Variants in CADM2 observed in about 807,000 individuals in gnomAD.
CADM2 encodes the protein cell adhesion molecule 2.
In CADM2, 12 loss-of-function variants were observed where a neutral mutation model predicts 49.8. The observed-to-expected ratio is 0.24, with a 90% CI of 0.15 to 0.39. The LOEUF (loss-of-function observed/expected upper bound fraction) is 0.39, where lower values mean the gene tolerates loss of function less well. Among genes scored for constraint, CADM2 ranks in the 10% least tolerant of loss-of-function variants. CADM2 has a pLI of 1.00. For synonymous variants in CADM2, 214 were observed against 175.4 expected (o/e 1.22, Z -1.74); for missense variants, 378 against 492.3 (o/e 0.77, Z 2.20).
chr3:85,230,488 G>T, intron 1 of CADM2, among the ~76,000 whole-genome samples: 1 of 152,262 alleles, frequency 6.6e-6, no homozygotes, highest in Non-Finnish European at 1.5e-5. Context: ...ATTTTACTTA[G>T]TATTCACCTT....
chr3:85,977,100 GT>G (rs905777413), intron 8 of CADM2, among the ~76,000 whole-genome samples: 5 of 150,756 alleles, frequency 3.3e-5, no homozygotes, highest in Admixed American at 1.3e-4. Flanking sequence ...GCGGGGCAAG[GT>G]TGGGGGGACT....
At position 85,619,156 on chromosome 3, in the gene CADM2, G is replaced by C. The variant is rs1041725385; in HGVS notation, c.62-107366G>C. ...ACAGGGTATTAAAATTTTGGACACT[G>C]TAACTGTGGACTCTTTCTCAGACAC... On this transcript the variant is annotated intron_variant, in intron 1 of 9. Coordinates refer to ENST00000383699, the MANE Select transcript of CADM2 (RefSeq NM_001167675.2). Among the ~76,000 whole-genome samples, 8 of 152,202 alleles carry C rather than the reference G, an allele frequency of 5.3e-5. No individual in the cohort carries two copies. The East Asian group carries it at 1.5e-3, about 29-fold the overall frequency.
At chr3:85,053,808 G>A (rs1164639672) in intron 1 of CADM2, among the ~76,000 whole-genome samples, 1 of 151,866 alleles carries the variant, frequency 6.6e-6, no homozygotes, top group African/African-American at 2.4e-5. Context: ...GTATAAATAT[G>A]TCTTTACCAT....
rs140575046 is a variant in CADM2, at chr3:85,942,037, A to G, written c.791+6180A>G. Among the ~76,000 whole-genome samples the G allele has an allele frequency of 1.4e-3, 213 of 152,260 alleles. 1 individual carries two copies. Among genetic ancestry groups the G allele is most frequent in the Non-Finnish European group, 1.0e-3 (70 of 68,020 alleles). ...ATCTTTCCCAGTAACACAGCTGATAAATGGTAGAATTGGGATTACAAACAA... is the reference window on the plus strand; with the variant it reads ...ATCTTTCCCAGTAACACAGCTGATAGATGGTAGAATTGGGATTACAAACAA... On this transcript the variant is annotated intron_variant, in intron 7 of 9. Coordinates refer to ENST00000383699, the MANE Select transcript of CADM2 (RefSeq NM_001167675.2).
intron 1 of CADM2, among the ~76,000 whole-genome samples, chr3:85,195,484 T>C (rs888998442): frequency 6.6e-6 from 1 of 151,602 alleles, no homozygotes; most frequent in African/African-American, 2.4e-5. Flanking sequence ...TCTGAGACAG[T>C]TATTTCATAA....
chr3:85,588,441 A>AC (rs1431099805), intron 1 of CADM2, among the ~76,000 whole-genome samples: 3 of 152,074 alleles, frequency 2.0e-5, no homozygotes, highest in African/African-American at 4.8e-5. Context: ...GCAAGCAAGC[A>AC]GCAATAAGAG....
At chr3:85,557,353 GAAAAT>G (rs1052424283) in intron 1 of CADM2, among the ~76,000 whole-genome samples, 20 of 151,730 alleles carry the variant, frequency 1.3e-4, no homozygotes, top group African/African-American at 4.6e-4. Flanking sequence ...AAGTAAGAAT[GAAAAT>G]AAAATAAACA....
intron 1 of CADM2, among the ~76,000 whole-genome samples, chr3:85,690,906 ATTTC>A (rs1241200341): frequency 6.6e-6 from 1 of 152,158 alleles, no homozygotes; most frequent in African/African-American, 2.4e-5. Context: ...TATATTTATC[ATTTC>A]TTTGTGATGA....
At chr3:85,450,303 T>A (rs953587118) in intron 1 of CADM2, among the ~76,000 whole-genome samples, 4 of 152,232 alleles carry the variant, frequency 2.6e-5, no homozygotes, top group African/African-American at 9.6e-5. Flanking sequence ...TATCAGCATA[T>A]CTACTTGCTG....
intron 1 of CADM2, among the ~76,000 whole-genome samples, chr3:85,335,798 C>T (rs1232440513): frequency 6.6e-6 from 1 of 151,472 alleles, no homozygotes; most frequent in African/African-American, 2.4e-5. Flanking sequence ...ATTTACCCAA[C>T]TATCTGGTAC....
chr3:85,126,735 T>C (rs544691914), intron 1 of CADM2, among the ~76,000 whole-genome samples: 168 of 152,230 alleles, frequency 1.1e-3, no homozygotes, highest in Non-Finnish European at 7.1e-4. Flanking sequence ...GTTTGCATCA[T>C]TTCTAAAAAA....
chr3:85,747,086 A>C (rs183985850), intron 2 of CADM2, among the ~76,000 whole-genome samples: 165 of 152,236 alleles, frequency 1.1e-3, no homozygotes, highest in Middle Eastern at 3.4e-3. Context: ...ATAATATTTC[A>C]AAAATATTAA....
chr3:85,704,558 C>G (rs768465679), intron 1 of CADM2, among the ~76,000 whole-genome samples: 59 of 152,182 alleles, frequency 3.9e-4, no homozygotes, highest in Middle Eastern at 3.4e-3. Flanking sequence ...TCTCTACTGT[C>G]TTTTTATAAG....
intron 1 of CADM2, among the ~76,000 whole-genome samples, chr3:85,544,525 G>C (rs1051611356): frequency 2.6e-5 from 4 of 151,966 alleles, no homozygotes; most frequent in South Asian, 4.1e-4. Context: ...TGCAGTGAAC[G>C]GAGATCGCGC....
chr3:85,128,976 T>C (rs1476947941), intron 1 of CADM2, among the ~76,000 whole-genome samples: 2 of 152,118 alleles, frequency 1.3e-5, no homozygotes, highest in Non-Finnish European at 2.9e-5. Context: ...TACCAGCAGA[T>C]GTGGTATTTT....
rs1270923517 is a variant in CADM2 at position 85,886,209 on chromosome 3, G to T, written c.411G>T (p.Gln137His). The stretch of plus-strand genomic sequence containing the variant: ...TTTCAGGTGTTCCTGAAAAGCCTCA[G>T]ATTAGTGGATTCTCATCACCAGTTA... ...LTVLGVPEKP[Q>H]ISGFSSPVME... Residue 137 changes from glutamine (Q) to histidine (H), a missense_variant, in exon 5 of 10, where the codon CAG becomes CAT. Coordinates refer to ENST00000383699, the MANE Select transcript of CADM2 (RefSeq NM_001167675.2). 4.3e-6 allele frequency: 7 copies of T among 1,613,516 alleles called. No homozygotes were observed. The highest frequency in any genetic ancestry group is 5.9e-6 in the Non-Finnish European group (7 of 1,179,614).
chr3:85,618,826 T>C (rs985002866), intron 1 of CADM2, among the ~76,000 whole-genome samples: 1 of 150,852 alleles, frequency 6.6e-6, no homozygotes, highest in African/African-American at 2.5e-5. Context: ...TATGACTGAA[T>C]TGGTGCTTAC....
chr3:85,670,106 T>C (rs2065692979), intron 1 of CADM2, among the ~76,000 whole-genome samples: 1 of 152,154 alleles, frequency 6.6e-6, no homozygotes, highest in Non-Finnish European at 1.5e-5. Context: ...ATTCCCCATT[T>C]CTAATTTTAC....
chr3:85,199,778 C>A (rs570607972), intron 1 of CADM2, among the ~76,000 whole-genome samples: 17 of 151,968 alleles, frequency 1.1e-4, no homozygotes, highest in Non-Finnish European at 2.2e-4. Flanking sequence ...AACCTGTAGT[C>A]AAATAATTAT....
Sources: allele counts gnomAD v4.1 joint callset (sites outside exome capture counted in the v4.1 genomes callset), GRCh38; gene constraint gnomAD v4.1.1; transcripts MANE v1.5; gene names NCBI Gene and HGNC (gene_info 2026-07-23, HGNC 2026-07-21).